C8orf34: variants seen among roughly 807,000 people sequenced by gnomAD.
C8orf34 encodes the protein chromosome 8 open reading frame 34.
Under a neutral mutation model 68.3 loss-of-function variants are expected in C8orf34, and 65 were observed. The observed-to-expected ratio is 0.95, with a 90% CI of 0.78 to 1.17. C8orf34 has a LOEUF of 1.17. Among genes scored for constraint, C8orf34 ranks in the 50% most tolerant of loss-of-function variants. The probability of loss-of-function intolerance (pLI) is 0.00; values close to 1 mark genes in which losing one functional copy is unlikely to be tolerated. For synonymous variants in C8orf34, 244 were observed against 241.2 expected (o/e 1.01, Z -0.11); for missense variants, 664 against 655.4 (o/e 1.01, Z -0.14).
intron 12 of C8orf34, among the ~76,000 whole-genome samples, chr8:68,810,777 C>A (rs753846553): frequency 1.3e-5 from 2 of 152,152 alleles, no homozygotes; most frequent in Non-Finnish European, 2.9e-5. Context: ...TGAGAGGAGA[C>A]CCACAGTGGG....
intron 9 of C8orf34, among the ~76,000 whole-genome samples, chr8:68,713,067 A>G (rs1464118807): frequency 2.0e-5 from 3 of 152,206 alleles, no homozygotes; most frequent in African/African-American, 4.8e-5. Flanking sequence ...CTGCTCCTCA[A>G]TGATCATTGG....
intron 7 of C8orf34, among the ~76,000 whole-genome samples, chr8:68,546,294 G>A (rs766872435): frequency 6.6e-6 from 1 of 151,876 alleles, no homozygotes; most frequent in Non-Finnish European, 1.5e-5. Flanking sequence ...CTGGATAAAC[G>A]AGCAAAACTT....
intron 4 of C8orf34, among the ~76,000 whole-genome samples, chr8:68,485,716 A>T (rs377008461): frequency 2.8e-5 from 2 of 72,254 alleles, no homozygotes; most frequent in Admixed American, 3.1e-4. Context: ...TGTCTCAAAA[A>T]AAAATAAAAA....
chr8:68,593,700 T>G (rs1464382492), intron 7 of C8orf34, among the ~76,000 whole-genome samples: 2 of 152,068 alleles, frequency 1.3e-5, no homozygotes, highest in African/African-American at 4.8e-5. Context: ...TGCCAAAGAT[T>G]TAGCTATCTA....
At chr8:68,399,505 G>A (rs1307735645) in intron 1 of C8orf34, among the ~76,000 whole-genome samples, 2 of 152,028 alleles carry the variant, frequency 1.3e-5, no homozygotes, top group African/African-American at 4.8e-5. Flanking sequence ...TTCTTTTATG[G>A]CCAAATAGTA....
intron 8 of C8orf34, among the ~76,000 whole-genome samples, chr8:68,698,171 G>A (rs1820890633): frequency 1.3e-5 from 2 of 152,000 alleles, no homozygotes; most frequent in Non-Finnish European, 2.9e-5. Flanking sequence ...TATCACTGGT[G>A]ACATCCCAAT....
intron 7 of C8orf34, among the ~76,000 whole-genome samples, chr8:68,562,149 C>T (rs1466133028): frequency 6.6e-6 from 1 of 152,182 alleles, no homozygotes; most frequent in Non-Finnish European, 1.5e-5. Flanking sequence ...TTCACACCAG[C>T]ATCACCACAA....
intron 6 of C8orf34, among the ~76,000 whole-genome samples, chr8:68,528,110 G>C (rs1815091189): frequency 6.6e-6 from 1 of 152,128 alleles, no homozygotes; most frequent in South Asian, 2.1e-4. Flanking sequence ...TCCGGCTCCT[G>C]TAACTCTCCC....
chr8:68,478,441 ATCT>A (rs1391399413), intron 4 of C8orf34, among the ~76,000 whole-genome samples: 2 of 152,080 alleles, frequency 1.3e-5, no homozygotes, highest in African/African-American at 2.4e-5. Context: ...ACATCTTCCT[ATCT>A]TCTTCTGAGC....
At chr8:68,498,056 G>A (rs764981910) in intron 5 of C8orf34, among the ~76,000 whole-genome samples, 4 of 152,090 alleles carry the variant, frequency 2.6e-5, no homozygotes, top group African/African-American at 4.8e-5. Context: ...TCGACCTCCC[G>A]ACCGCAGGTG....
chr8:68,587,200 A>G (rs1277529092), intron 7 of C8orf34, among the ~76,000 whole-genome samples: 1 of 152,110 alleles, frequency 6.6e-6, no homozygotes, highest in South Asian at 2.1e-4. Context: ...CCAGTAATCT[A>G]TCATAGGATT....
At chr8:68,798,011 C>T (rs960432065) in intron 12 of C8orf34, among the ~76,000 whole-genome samples, 1 of 152,020 alleles carries the variant, frequency 6.6e-6, no homozygotes, top group Non-Finnish European at 1.5e-5. Flanking sequence ...AATAAAAACA[C>T]ATGAAGACAG....
intron 6 of C8orf34, among the ~76,000 whole-genome samples, chr8:68,526,445 G>C (rs888943323): frequency 1.3e-5 from 2 of 152,128 alleles, no homozygotes; most frequent in Non-Finnish European, 2.9e-5. Context: ...CAAAGGAATT[G>C]CTTAAAAGTG....
chr8:68,789,339 G>C (rs1438191541), intron 12 of C8orf34, among the ~76,000 whole-genome samples: 1 of 152,186 alleles, frequency 6.6e-6, no homozygotes, highest in Non-Finnish European at 1.5e-5. Context: ...ATATGAGTGT[G>C]CTATATTTTA....
At chr8:68,447,393 A>G (rs1300362779) in intron 3 of C8orf34, 4 of 152,158 alleles carry the variant, frequency 2.6e-5, no homozygotes, top group African/African-American at 9.7e-5. Flanking sequence ...CTTCTCTCTC[A>G]ATGGCCTACT....
intron 10 of C8orf34, among the ~76,000 whole-genome samples, chr8:68,775,439 T>C (rs189233037): frequency 6.6e-6 from 1 of 152,260 alleles, no homozygotes; most frequent in East Asian, 1.9e-4. Context: ...TGACCACCAA[T>C]GTTTAGATGA....
chr8:68,510,392 A>G (rs998588347), intron 5 of C8orf34, among the ~76,000 whole-genome samples: 2 of 152,170 alleles, frequency 1.3e-5, no homozygotes, highest in Non-Finnish European at 2.9e-5. Context: ...TTATCCCATC[A>G]CCTGGCAGGA....
Position 68,787,541 on chromosome 8 carries a change from G to A in C8orf34, c.1549+5G>A, listed in dbSNP as rs368486127. On this transcript the variant is annotated splice_donor_5th_base_variant and intron_variant, in intron 12 of 13. Coordinates refer to ENST00000518698, the MANE Select transcript of C8orf34 (RefSeq NM_052958.4). ...TGGAAGCAGAACAAGAGAAACGTGA[G>A]TAGACACTATTGTTTATTGACAAAT... The A allele has an allele frequency of 2.5e-6, 4 of 1,589,032 alleles. No individual in the cohort carries two copies. The African/African-American group carries it at 4.0e-5, about 16-fold the overall frequency.
intron 1 of C8orf34, among the ~76,000 whole-genome samples, chr8:68,390,906 T>C: frequency 6.6e-6 from 1 of 152,168 alleles, no homozygotes; most frequent in East Asian, 1.9e-4. Flanking sequence ...AGACAGACTT[T>C]CTTCTTCTTC....
Sources: gnomAD v4.1 joint callset for allele counts (sites outside exome capture counted in the v4.1 genomes callset) on GRCh38, gnomAD v4.1.1 for gene constraint, MANE v1.5 for transcripts, NCBI Gene and HGNC (gene_info 2026-07-23, HGNC 2026-07-21) for gene names.